Variants in XKR9 observed in about 807,000 individuals in gnomAD.
XKR9 encodes XK-related protein 9.
XKR9 carries 32 observed loss-of-function variants against 32.0 expected under a neutral mutation model. The ratio of observed to expected loss-of-function variants is 1.00; its 90% CI spans 0.76 to 1.34. The LOEUF (loss-of-function observed/expected upper bound fraction) is 1.34. Among genes scored for constraint, XKR9 ranks in the 40% most tolerant of loss-of-function variants. The pLI, the probability that XKR9 is intolerant of heterozygous loss-of-function variation, is 0.00. For synonymous variants in XKR9, 168 were observed against 143.4 expected (o/e 1.17, Z -1.22); for missense variants, 546 against 429.7 (o/e 1.27, Z -2.39).
chr8:70,901,343 T>G, the XKR9 span, among the ~76,000 whole-genome samples: 5 of 152,198 alleles, frequency 3.3e-5, no homozygotes, highest in Non-Finnish European at 7.3e-5. Context: ...TTTTTAATGA[T>G]CAGCATTCTA....
chr8:70,773,597 C>T (rs956518480), intron 2 of XKR9, among the ~76,000 whole-genome samples: 2 of 152,072 alleles, frequency 1.3e-5, no homozygotes, highest in African/African-American at 4.8e-5. Flanking sequence ...ATGGATCAGA[C>T]TTTGGGAAGG....
At chr8:71,000,490 T>C in the XKR9 span, among the ~76,000 whole-genome samples, 1 of 152,190 alleles carries the variant, frequency 6.6e-6, no homozygotes, top group Non-Finnish European at 1.5e-5. Context: ...CAATAACTTT[T>C]CTTTTATTTA....
At chr8:70,895,355 T>C in the XKR9 span, among the ~76,000 whole-genome samples, 1 of 152,176 alleles carries the variant, frequency 6.6e-6, no homozygotes, top group South Asian at 2.1e-4. Context: ...TATCGCTGTT[T>C]ATTCATTGTT....
intron 2 of XKR9, among the ~76,000 whole-genome samples, chr8:70,768,853 C>T (rs1807414267): frequency 6.6e-6 from 1 of 151,744 alleles, no homozygotes; most frequent in South Asian, 2.1e-4. Flanking sequence ...CTCCTGAATA[C>T]AGCACACCGA....
chr8:70,729,468 C>T (rs762314701), intron 4 of XKR9, among the ~76,000 whole-genome samples: 9 of 152,044 alleles, frequency 5.9e-5, no homozygotes, highest in East Asian at 3.9e-4. Context: ...CAACTCTCTG[C>T]GGGAGTCTTG....
chr8:70,777,671 T>C (rs1311242108), intron 2 of XKR9, among the ~76,000 whole-genome samples: 2 of 152,234 alleles, frequency 1.3e-5, no homozygotes, highest in African/African-American at 4.8e-5. Flanking sequence ...AGATGGTATC[T>C]CATTGTGGTT....
the XKR9 span, among the ~76,000 whole-genome samples, chr8:70,876,190 T>C: frequency 6.6e-6 from 1 of 151,454 alleles, no homozygotes; most frequent in African/African-American, 2.4e-5. Context: ...CCTCAGAAGG[T>C]TTGCTTTTCT....
At chr8:70,888,017 T>A in the XKR9 span, among the ~76,000 whole-genome samples, 1 of 152,168 alleles carries the variant, frequency 6.6e-6, no homozygotes, top group Non-Finnish European at 1.5e-5. Flanking sequence ...TCAAAGGGAA[T>A]GCTTCCAGCT....
rs779319739 is a variant in XKR9 at position 70,681,031 on chromosome 8, A to G, written c.-28A>G. ...CCCTTTTTGTGAGGGAGAAAAAAGTAGATAACGAAAAGCTATAGTCATTCG... is the reference window on the plus strand; with the variant it reads ...CCCTTTTTGTGAGGGAGAAAAAAGTGGATAACGAAAAGCTATAGTCATTCG... On this transcript the variant is annotated 5_prime_UTR_variant, in exon 3 of 5. Coordinates refer to ENST00000408926, the MANE Select transcript of XKR9 (RefSeq NM_001011720.2). 2 of 1,573,730 alleles carry G rather than the reference A, an allele frequency of 1.3e-6. No individual in the cohort carries two copies. The highest frequency in any genetic ancestry group is 2.4e-5 in the South Asian group (2 of 84,906).
At chr8:70,720,778 C>T (rs1033707100) in intron 4 of XKR9, among the ~76,000 whole-genome samples, 1 of 152,100 alleles carries the variant, frequency 6.6e-6, no homozygotes, top group Non-Finnish European at 1.5e-5. Context: ...TTTGTTGTGT[C>T]TCTGCCATGT....
the XKR9 span, among the ~76,000 whole-genome samples, chr8:71,065,802 A>C: frequency 7.2e-5 from 11 of 152,234 alleles, no homozygotes; most frequent in African/African-American, 2.7e-4. Flanking sequence ...AGATTTCAGC[A>C]AAATGTTTTT....
the XKR9 span, among the ~76,000 whole-genome samples, chr8:70,846,915 C>A: frequency 6.6e-6 from 1 of 151,998 alleles, no homozygotes; most frequent in African/African-American, 2.4e-5. Flanking sequence ...CCATTCTCAG[C>A]TTTAGACAAA....
chr8:70,929,830 A>C, the XKR9 span, among the ~76,000 whole-genome samples: 4 of 152,288 alleles, frequency 2.6e-5, 1 homozygote, highest in Admixed American at 2.6e-4. Context: ...AGTCAGGCCC[A>C]CCCAGTTAAT....
intron 3 of XKR9, among the ~76,000 whole-genome samples, chr8:70,697,262 A>G (rs1407586061): frequency 5.9e-5 from 9 of 151,672 alleles, no homozygotes; most frequent in African/African-American, 1.7e-4. Context: ...GTCTTGTGCC[A>G]GTTTTCAAAG....
At chr8:71,019,141 T>C in the XKR9 span, among the ~76,000 whole-genome samples, 1 of 138,118 alleles carries the variant, frequency 7.2e-6, no homozygotes, top group African/African-American at 2.6e-5. Flanking sequence ...TTCCTTCTCC[T>C]TTTTTTTTTA....
intron 2 of XKR9, among the ~76,000 whole-genome samples, chr8:70,772,272 T>C (rs1807463723): frequency 6.6e-6 from 1 of 152,222 alleles, no homozygotes; most frequent in Non-Finnish European, 1.5e-5. Flanking sequence ...TTGCCGTCTG[T>C]CTGGATATTT....
At chr8:70,991,402 GA>G in the XKR9 span, among the ~76,000 whole-genome samples, 2 of 152,126 alleles carry the variant, frequency 1.3e-5, no homozygotes, top group Non-Finnish European at 2.9e-5. Flanking sequence ...AACAAAGGAT[GA>G]AATAAAAATG....
the XKR9 span, among the ~76,000 whole-genome samples, chr8:70,973,159 C>G: frequency 1.3e-5 from 2 of 151,930 alleles, no homozygotes; most frequent in African/African-American, 4.8e-5. Flanking sequence ...TATTGGTCTG[C>G]TCAGAGATTC....
intron 2 of XKR9, among the ~76,000 whole-genome samples, chr8:70,745,631 C>T (rs903057504): frequency 2.6e-5 from 4 of 152,154 alleles, no homozygotes; most frequent in African/African-American, 4.8e-5. Flanking sequence ...TTCTCCCCTC[C>T]CTTCTTTGAG....
Sources: allele counts gnomAD v4.1 joint callset (sites outside exome capture counted in the v4.1 genomes callset), GRCh38; gene constraint gnomAD v4.1.1; transcripts MANE v1.5; gene names NCBI Gene and HGNC (gene_info 2026-07-23, HGNC 2026-07-21).